Variants in TMEM150C observed in about 807,000 individuals in gnomAD.
The protein encoded by TMEM150C is transmembrane protein 150C.
A neutral mutation model predicts 29.9 loss-of-function variants in TMEM150C; 10 were observed. The ratio of observed to expected loss-of-function variants is 0.33; its 90% CI spans 0.21 to 0.57. TMEM150C has a LOEUF of 0.57. TMEM150C is among the 20% of genes least tolerant of loss of function. TMEM150C has a pLI of 0.88. For synonymous variants in TMEM150C, 101 were observed against 112.5 expected (o/e 0.90, Z 0.64); for missense variants, 251 against 303.6 (o/e 0.83, Z 1.29).
intron 7 of TMEM150C, among the ~76,000 whole-genome samples, chr4:82,489,749 T>C (rs747311395): frequency 6.6e-6 from 1 of 152,168 alleles, no homozygotes; most frequent in Non-Finnish European, 1.5e-5. Context: ...ATGGCAATTC[T>C]CTTTTGGCTG....
At chr4:82,543,483 T>C (rs1010020969) in intron 1 of TMEM150C, among the ~76,000 whole-genome samples, 10 of 152,222 alleles carry the variant, frequency 6.6e-5, no homozygotes, top group African/African-American at 2.4e-4. Flanking sequence ...CTAATGCTTA[T>C]TCCAAGTAAC....
chr4:82,505,952 T>C (rs1016780256), intron 1 of TMEM150C, among the ~76,000 whole-genome samples: 2 of 152,160 alleles, frequency 1.3e-5, no homozygotes, highest in Admixed American at 6.5e-5. Flanking sequence ...AAACACCTGT[T>C]CTAAGGAAAT....
Position 82,485,626 on chromosome 4 carries a change from G to A in TMEM150C, c.635C>T (p.Ala212Val). The change falls in exon 8 of 8, where the codon GCC (alanine) becomes GTC (valine). Residue 212 changes from alanine to valine, a missense_variant. By Grantham distance (64) the Ala-to-Val change is moderately conservative. Transcript: ENST00000449862. ...ATAGCGGTAATGCCGGAACTCCACGGCAAAGGTGCCAAAATAAGACAGGAA... is the reference window on the plus strand; with the variant it reads ...ATAGCGGTAATGCCGGAACTCCACGACAAAGGTGCCAAAATAAGACAGGAA... ...MCFLSYFGTF[A>V]VEFRHYRYEI... The A allele has an allele frequency of 1.2e-6, 2 of 1,609,940 alleles. No individual in the cohort carries two copies. The highest frequency in any genetic ancestry group is 2.2e-5 in the South Asian group (2 of 90,072).
intron 7 of TMEM150C, among the ~76,000 whole-genome samples, chr4:82,487,338 ACT>A (rs1016553220): frequency 6.6e-6 from 1 of 152,004 alleles, no homozygotes; most frequent in South Asian, 2.1e-4. Flanking sequence ...AATCCCAGCT[ACT>A]CTCTAGGCTG....
intron 1 of TMEM150C, among the ~76,000 whole-genome samples, chr4:82,524,652 T>A (rs1302572893): frequency 6.6e-6 from 1 of 152,112 alleles, no homozygotes; most frequent in Non-Finnish European, 1.5e-5. Flanking sequence ...TGTTGGGTAG[T>A]AGGAAGGTAC....
intron 1 of TMEM150C, among the ~76,000 whole-genome samples, chr4:82,539,577 C>T (rs1362204605): frequency 1.3e-5 from 2 of 152,064 alleles, no homozygotes; most frequent in African/African-American, 4.8e-5. Context: ...CTCCGACTCC[C>T]GAGTAGCTGG....
At position 82,561,743 on chromosome 4, in the gene TMEM150C, GCCGCAGCCGAGCAGGGCC is replaced by G. The variant is rs927794198; in HGVS notation, c.-11+145_-11+162del. On this transcript the variant is annotated intron_variant, in intron 1 of 7. Transcript: ENST00000449862. ...CGCGCCCGGGACGCTATGGGAGGGG[GCCGCAGCCGAGCAGGGCC>G]CCGCAGCCGGGCGGACCCAGCCGCC... is the stretch of plus-strand genomic sequence containing the variant. Among the ~76,000 whole-genome samples, 62 of 147,230 alleles carry G rather than the reference GCCGCAGCCGAGCAGGGCC, an allele frequency of 4.2e-4. 1 individual carries two copies. Among genetic ancestry groups the G allele is most frequent in the Non-Finnish European group, 8.3e-4 (55 of 66,094 alleles).
chr4:82,523,573 C>G (rs1467632988), intron 1 of TMEM150C, among the ~76,000 whole-genome samples: 1 of 152,140 alleles, frequency 6.6e-6, no homozygotes, highest in African/African-American at 2.4e-5. Context: ...CAAAGTTTGC[C>G]GGCCTGGTGG....
intron 1 of TMEM150C, among the ~76,000 whole-genome samples, chr4:82,519,876 A>T (rs1246725526): frequency 6.6e-6 from 1 of 152,218 alleles, no homozygotes; most frequent in East Asian, 1.9e-4. Flanking sequence ...GCTCCTCCCC[A>T]TCTATTTCAA....
At chr4:82,515,082 T>C (rs968499736) in intron 1 of TMEM150C, among the ~76,000 whole-genome samples, 6 of 152,192 alleles carry the variant, frequency 3.9e-5, no homozygotes, top group South Asian at 2.1e-4. Flanking sequence ...GAGAGGTACA[T>C]TGATTCTGAG....
Position 82,504,213 on chromosome 4 carries a change from T to C in TMEM150C, c.80+365A>G, listed in dbSNP as rs369664575. On this transcript the variant is annotated intron_variant, in intron 2 of 7. Coordinates refer to ENST00000449862, the MANE Select transcript of TMEM150C (RefSeq NM_001080506.3). ...ATAAAGATATGCCATCTACTATTTT[T>C]TGGGGGGGTGGGGACAGTCTTGCTC... Among the ~76,000 whole-genome samples the C allele has an allele frequency of 2.0e-3, 308 of 152,110 alleles. 2 individuals carry two copies. The highest frequency in any genetic ancestry group is 6.9e-3 in the African/African-American group (286 of 41,530).
intron 1 of TMEM150C, among the ~76,000 whole-genome samples, chr4:82,549,488 T>C (rs918418202): frequency 6.6e-6 from 1 of 152,194 alleles, no homozygotes; most frequent in African/African-American, 2.4e-5. Flanking sequence ...AGTTGTTTAA[T>C]GGGTATAGAG....
chr4:82,523,868 G>C (rs1012303843), intron 1 of TMEM150C, among the ~76,000 whole-genome samples: 5 of 151,480 alleles, frequency 3.3e-5, no homozygotes, highest in Middle Eastern at 3.4e-3. Context: ...AGTGGAGATG[G>C]GGGGGGTTTC....
intron 1 of TMEM150C, among the ~76,000 whole-genome samples, chr4:82,556,882 A>G (rs1725754068): frequency 6.6e-6 from 1 of 152,202 alleles, no homozygotes. Flanking sequence ...TATCTTCAAC[A>G]CAGAGATAAT....
chr4:82,506,189 G>T (rs1259777268), intron 1 of TMEM150C, among the ~76,000 whole-genome samples: 1 of 152,250 alleles, frequency 6.6e-6, no homozygotes, highest in East Asian at 1.9e-4. Flanking sequence ...CATATGCTGG[G>T]ACTCTCTAGA....
intron 1 of TMEM150C, among the ~76,000 whole-genome samples, chr4:82,525,160 G>A (rs575827698): frequency 5.9e-5 from 9 of 152,250 alleles, no homozygotes; most frequent in Middle Eastern, 3.4e-3. Context: ...AGACAGGGCC[G>A]GCAGTACACA....
chr4:82,529,089 C>A (rs1054260383), intron 1 of TMEM150C, among the ~76,000 whole-genome samples: 1 of 151,710 alleles, frequency 6.6e-6, no homozygotes, highest in Admixed American at 6.6e-5. Context: ...GAGGAGCCAG[C>A]GGGAAGGCAG....
intron 1 of TMEM150C, among the ~76,000 whole-genome samples, chr4:82,541,122 G>C (rs1725187204): frequency 6.6e-6 from 1 of 152,140 alleles, no homozygotes; most frequent in South Asian, 2.1e-4. Flanking sequence ...GCACATACTA[G>C]AAGCTTAGTA....
intron 1 of TMEM150C, among the ~76,000 whole-genome samples, chr4:82,518,346 G>A (rs146404463): frequency 5.9e-5 from 9 of 151,850 alleles, no homozygotes; most frequent in African/African-American, 1.2e-4. Flanking sequence ...AGTAGTGACC[G>A]GCATGAGCTG....
Sources: allele counts gnomAD v4.1 joint callset (sites outside exome capture counted in the v4.1 genomes callset), GRCh38; gene constraint gnomAD v4.1.1; transcripts MANE v1.5; gene names NCBI Gene and HGNC (gene_info 2026-07-23, HGNC 2026-07-21).